Variants in WDPCP observed in about 807,000 individuals in gnomAD.
WDPCP encodes WD repeat containing planar cell polarity effector.
In WDPCP, 71 loss-of-function variants were observed where a neutral mutation model predicts 93.1. The observed-to-expected ratio is 0.76, with a 90% confidence interval of 0.63 to 0.93. The LOEUF is 0.93. Ranked by LOEUF, WDPCP falls within the 40% of genes least tolerant of loss-of-function variation. The probability of loss-of-function intolerance (pLI) is 0.00; values close to 1 mark genes in which losing one functional copy is unlikely to be tolerated. For synonymous variants in WDPCP, 315 were observed against 315.0 expected (o/e 1.00, Z 0.00); for missense variants, 844 against 887.4 (o/e 0.95, Z 0.62).
chr2:63,454,526 T>TA (rs151241690), intron 6 of WDPCP, among the ~76,000 whole-genome samples: 14,331 of 151,514 alleles, frequency 0.095, 2,089 homozygotes, highest in African/African-American at 0.32. Flanking sequence ...AATAAAAAAA[T>TA]AAAAAAATAA....
At chr2:63,353,649 G>T (rs1406410153) in intron 12 of WDPCP, among the ~76,000 whole-genome samples, 1 of 152,066 alleles carries the variant, frequency 6.6e-6, no homozygotes, top group Non-Finnish European at 1.5e-5. Context: ...TCCCAATCCT[G>T]TTCCTCCTCA....
intron 12 of WDPCP, chr2:63,369,546 A>G (rs149426865): frequency 2.2e-6 from 1 of 456,296 alleles, no homozygotes; most frequent in Non-Finnish European, 4.4e-6. Flanking sequence ...TACCTCAACT[A>G]GAATTTGGGC....
chr2:63,510,553 T>C (rs553513874), intron 1 of WDPCP, among the ~76,000 whole-genome samples: 1 of 152,182 alleles, frequency 6.6e-6, no homozygotes, highest in Admixed American at 6.5e-5. Flanking sequence ...ACCACTCCTA[T>C]TCAACACAGT....
intron 12 of WDPCP, among the ~76,000 whole-genome samples, chr2:63,342,820 C>T (rs996512787): frequency 1.3e-5 from 2 of 152,196 alleles, no homozygotes; most frequent in Non-Finnish European, 2.9e-5. Flanking sequence ...TATCTTTACA[C>T]GTTCTTTATT....
chr2:63,363,175 C>T (rs1253324867), intron 12 of WDPCP, among the ~76,000 whole-genome samples: 1 of 152,020 alleles, frequency 6.6e-6, no homozygotes, highest in Non-Finnish European at 1.5e-5. Context: ...TATATCACTT[C>T]CACTTTGCAA....
chr2:63,674,335 A>G (rs1052612014), intron 2 of WDPCP, among the ~76,000 whole-genome samples: 2 of 152,236 alleles, frequency 1.3e-5, no homozygotes, highest in Non-Finnish European at 2.9e-5. Flanking sequence ...AAACTGGTTC[A>G]AAGTTTATCA....
chr2:63,635,441 C>A (rs1300993841), intron 3 of WDPCP, among the ~76,000 whole-genome samples: 2 of 152,102 alleles, frequency 1.3e-5, no homozygotes, highest in Non-Finnish European at 2.9e-5. Flanking sequence ...AGGTCAATAT[C>A]CCTGATGAAC....
At chr2:63,826,324 C>T (rs1033869110) in intron 1 of WDPCP, among the ~76,000 whole-genome samples, 10 of 151,970 alleles carry the variant, frequency 6.6e-5, no homozygotes, top group African/African-American at 2.4e-4. Context: ...GGCCACTCTG[C>T]CTCGCTAGTG....
chr2:63,698,205 T>G (rs1404554944), intron 2 of WDPCP, among the ~76,000 whole-genome samples: 1 of 152,150 alleles, frequency 6.6e-6, no homozygotes, highest in Non-Finnish European at 1.5e-5. Flanking sequence ...ATCTGCCACC[T>G]TGGCCTCCCA....
At chr2:63,293,509 T>A (rs965625070) in intron 13 of WDPCP, among the ~76,000 whole-genome samples, 16 of 151,780 alleles carry the variant, frequency 1.1e-4, no homozygotes, top group Non-Finnish European at 2.2e-4. Flanking sequence ...TAGGAAAGTA[T>A]GGCCTATTTT....
Position 63,404,181 on chromosome 2 carries a change from G to A in WDPCP, c.1302C>T (p.Ala434=), listed in dbSNP as rs1009707762. Residue 434 remains alanine, a synonymous_variant, in exon 10 of 18, where the codon GCC becomes GCT. Transcript: ENST00000272321. The part of the protein sequence containing the change: ...ETLQFSKLFD[A]SSSLVQMQWI... ...ATTGCATTTGAACAAGACTGCTGGAGGCATCAAATAATTTACTGAATTGCA... is the reference window on the plus strand; with the variant it reads ...ATTGCATTTGAACAAGACTGCTGGAAGCATCAAATAATTTACTGAATTGCA... 1 of 1,614,060 alleles carries A rather than the reference G, an allele frequency of 6.2e-7. No individual in the cohort carries two copies. Among genetic ancestry groups the A allele is most frequent in the Admixed American group, 1.7e-5 (1 of 59,998 alleles).
intron 3 of WDPCP, among the ~76,000 whole-genome samples, chr2:63,638,776 G>C (rs1709948968): frequency 6.6e-6 from 1 of 150,780 alleles, no homozygotes; most frequent in South Asian, 2.1e-4. Context: ...GTGACAGAGG[G>C]AGCTTCTGTC....
At chr2:63,166,547 C>T (rs977871632) in intron 15 of WDPCP, among the ~76,000 whole-genome samples, 32 of 151,986 alleles carry the variant, frequency 2.1e-4, no homozygotes, top group Admixed American at 7.9e-4. Flanking sequence ...TGTTCCACCA[C>T]GCCTGGCTAA....
chr2:63,399,036 T>C (rs1383590887), intron 10 of WDPCP, among the ~76,000 whole-genome samples: 1 of 152,142 alleles, frequency 6.6e-6, no homozygotes, highest in East Asian at 1.9e-4. Flanking sequence ...GGAAAAATAC[T>C]TTGTAATAAA....
At chr2:63,274,039 C>G (rs376509191) in intron 13 of WDPCP, among the ~76,000 whole-genome samples, 5 of 152,082 alleles carry the variant, frequency 3.3e-5, no homozygotes, top group African/African-American at 4.8e-5. Context: ...TCAACAGTTA[C>G]GAAATATGTA....
chr2:63,804,719 T>C (rs539056731), intron 2 of WDPCP, among the ~76,000 whole-genome samples: 139 of 151,970 alleles, frequency 9.1e-4, no homozygotes, highest in African/African-American at 3.2e-3. Flanking sequence ...CCTGATGGTC[T>C]AGATTTGTCA....
At chr2:63,583,575 G>A (rs2106558419) in intron 1 of WDPCP, among the ~76,000 whole-genome samples, 1 of 152,054 alleles carries the variant, frequency 6.6e-6, no homozygotes, top group Non-Finnish European at 1.5e-5. Flanking sequence ...CAGCTACTCA[G>A]GAGGCTGAGG....
chr2:63,301,935 G>A (rs1007488988), intron 13 of WDPCP, among the ~76,000 whole-genome samples: 1 of 152,090 alleles, frequency 6.6e-6, no homozygotes, highest in Non-Finnish European at 1.5e-5. Context: ...ACAAGGGCAT[G>A]GCCTTTTTAC....
At chr2:63,627,304 TAGATTAGAGAGACACAG>T (rs1709820260) in intron 3 of WDPCP, among the ~76,000 whole-genome samples, 1 of 152,216 alleles carries the variant, frequency 6.6e-6, no homozygotes, top group South Asian at 2.1e-4. Context: ...AGTCAGTGAC[TAGATTAGAGAGACACAG>T]AGATTAGAGA....
Sources: gnomAD v4.1 joint callset for allele counts (sites outside exome capture counted in the v4.1 genomes callset) on GRCh38, gnomAD v4.1.1 for gene constraint, MANE v1.5 for transcripts, NCBI Gene and HGNC (gene_info 2026-07-23, HGNC 2026-07-21) for gene names.